Variants in SYT1 observed in about 807,000 individuals in gnomAD.
SYT1 encodes the protein synaptotagmin-1.
Under a neutral mutation model 44.8 loss-of-function variants are expected in SYT1, and 8 were observed. The ratio of observed to expected loss-of-function variants is 0.18; its 90% CI spans 0.10 to 0.32. The LOEUF is 0.32. Ranked by LOEUF, SYT1 falls within the 10% of genes least tolerant of loss-of-function variation. SYT1 has a pLI of 1.00. For synonymous variants in SYT1, 154 were observed against 188.8 expected (o/e 0.82, Z 1.51); for missense variants, 286 against 509.3 (o/e 0.56, Z 4.22).
chr12:79,422,788 A>G (rs777712139), intron 9 of SYT1, among the ~76,000 whole-genome samples: 2 of 151,944 alleles, frequency 1.3e-5, no homozygotes, highest in African/African-American at 2.4e-5. Context: ...GGATTTTTTA[A>G]AATCATTCAG....
intron 1 of SYT1, among the ~76,000 whole-genome samples, chr12:78,967,965 C>A (rs372512635): frequency 2.0e-5 from 3 of 151,884 alleles, no homozygotes; most frequent in Non-Finnish European, 4.4e-5. Context: ...TAGAGGAGTT[C>A]GGAATTGAGA....
At chr12:79,132,503 A>G (rs531742835) in intron 3 of SYT1, among the ~76,000 whole-genome samples, 1 of 151,932 alleles carries the variant, frequency 6.6e-6, no homozygotes, top group Admixed American at 6.6e-5. Context: ...AACCGTCACT[A>G]ATCATCAGAC....
chr12:79,292,373 A>G (rs748818744), intron 6 of SYT1, among the ~76,000 whole-genome samples: 5 of 152,182 alleles, frequency 3.3e-5, no homozygotes, highest in African/African-American at 7.2e-5. Context: ...GCAGGCAGAC[A>G]GAATACAAAT....
At chr12:79,144,614 G>A (rs1359465996) in intron 3 of SYT1, among the ~76,000 whole-genome samples, 3 of 152,168 alleles carry the variant, frequency 2.0e-5, no homozygotes, top group African/African-American at 7.2e-5. Flanking sequence ...CCCATCATCT[G>A]GGTCAGCCAG....
chr12:78,897,799 C>T (rs1875443450), intron 1 of SYT1, among the ~76,000 whole-genome samples: 1 of 152,008 alleles, frequency 6.6e-6, no homozygotes, highest in African/African-American at 2.4e-5. Flanking sequence ...ATATTATGTT[C>T]ATTAGAGAAT....
intron 4 of SYT1, among the ~76,000 whole-genome samples, chr12:79,272,584 A>G (rs1438952310): frequency 1.3e-5 from 2 of 152,186 alleles, no homozygotes; most frequent in African/African-American, 4.8e-5. Flanking sequence ...GGAAGGAGAT[A>G]AAGGATGCAC....
intron 1 of SYT1, among the ~76,000 whole-genome samples, chr12:78,936,951 G>T (rs981944460): frequency 6.6e-6 from 1 of 152,140 alleles, no homozygotes; most frequent in Non-Finnish European, 1.5e-5. Context: ...AGGGGAATAG[G>T]AGCTCTATCT....
intron 9 of SYT1, chr12:79,392,202 A>G (rs539077265): frequency 1.2e-4 from 19 of 152,356 alleles, no homozygotes; most frequent in Middle Eastern, 6.8e-3. Context: ...GCAAGTTTCC[A>G]TGGCAATATA....
At chr12:79,304,719 G>A (rs1245620178) in intron 8 of SYT1, among the ~76,000 whole-genome samples, 2 of 152,046 alleles carry the variant, frequency 1.3e-5, no homozygotes, top group Non-Finnish European at 2.9e-5. Context: ...TAGTTCTAGG[G>A]AGAACTCAAA....
intron 2 of SYT1, among the ~76,000 whole-genome samples, chr12:79,036,853 G>A (rs1440726735): frequency 1.3e-5 from 2 of 151,638 alleles, no homozygotes; most frequent in African/African-American, 4.8e-5. Context: ...AAACGGACCT[G>A]TATGCAGAAA....
At chr12:79,339,769 C>T (rs1882274547) in intron 8 of SYT1, among the ~76,000 whole-genome samples, 1 of 152,124 alleles carries the variant, frequency 6.6e-6, no homozygotes, top group Non-Finnish European at 1.5e-5. Context: ...AATGGTATTG[C>T]CTAGGTTTTC....
intron 9 of SYT1, among the ~76,000 whole-genome samples, chr12:79,376,051 G>A (rs1883982195): frequency 6.6e-6 from 1 of 152,162 alleles, no homozygotes; most frequent in Admixed American, 6.5e-5. Context: ...TCTTGAGCAA[G>A]TTCTCATTAC....
intron 2 of SYT1, among the ~76,000 whole-genome samples, chr12:78,983,428 T>C (rs1869415678): frequency 1.3e-5 from 2 of 152,110 alleles, no homozygotes; most frequent in African/African-American, 4.8e-5. Flanking sequence ...GTCCCATTTC[T>C]ACACATTGGA....
chr12:79,380,411 A>C (rs935076530), intron 9 of SYT1, among the ~76,000 whole-genome samples: 1 of 152,202 alleles, frequency 6.6e-6, no homozygotes, highest in Non-Finnish European at 1.5e-5. Context: ...TTTATTTTAG[A>C]GACAGAACTT....
At chr12:79,176,575 T>G (rs1448119339) in intron 3 of SYT1, among the ~76,000 whole-genome samples, 1 of 152,102 alleles carries the variant, frequency 6.6e-6, no homozygotes, top group Non-Finnish European at 1.5e-5. Flanking sequence ...CTCTACAACC[T>G]GCTTCGTACA....
intron 1 of SYT1, among the ~76,000 whole-genome samples, chr12:78,893,551 A>G (rs1007891329): frequency 6.6e-6 from 1 of 151,820 alleles, no homozygotes; most frequent in African/African-American, 2.4e-5. Flanking sequence ...AGTCTGAACT[A>G]TAAGAGAATA....
chr12:79,442,724 G>A (rs75450513), intron 9 of SYT1, among the ~76,000 whole-genome samples: 5,084 of 152,022 alleles, frequency 0.033, 117 homozygotes, highest in Non-Finnish European at 0.051. Flanking sequence ...ATAGGGAGAG[G>A]GTGATAAAAA....
intron 1 of SYT1, among the ~76,000 whole-genome samples, chr12:78,973,935 AAAAATATATATATATATATATATATATAT>A (rs1181381786): frequency 1.1e-4 from 3 of 26,534 alleles, no homozygotes; most frequent in Non-Finnish European, 1.9e-4. Context: ...AAAAAAAAAA[AAAAATATATATATATATATATATATATAT>A]ATATATATAT....
rs182542769 is a variant in SYT1, at chr12:79,440,339, G to A, written c.929-3734G>A. Among the ~76,000 whole-genome samples the A allele has an allele frequency of 1.8e-4, 27 of 152,276 alleles. No individual in the cohort carries two copies. In the East Asian group the frequency reaches 2.3e-3, roughly 13 times the overall value. Reference sequence around the variant, plus strand: ...GGATTATCTAAATGACATTGAAGACGGGGTGTCAGTATTTAGATGATGAAG... The same window carrying A: ...GGATTATCTAAATGACATTGAAGACAGGGTGTCAGTATTTAGATGATGAAG... On this transcript the variant is annotated intron_variant, in intron 9 of 10. Coordinates refer to ENST00000261205, the MANE Select transcript of SYT1 (RefSeq NM_005639.3).
Sources: allele counts gnomAD v4.1 joint callset (sites outside exome capture counted in the v4.1 genomes callset), GRCh38; gene constraint gnomAD v4.1.1; transcripts MANE v1.5; gene names NCBI Gene and HGNC (gene_info 2026-07-23, HGNC 2026-07-21).